The following PSAT1 variants were observed in gnomAD, a reference collection of about 807,000 sequenced individuals.
PSAT1 encodes phosphoserine aminotransferase.
A neutral mutation model predicts 40.3 loss-of-function variants in PSAT1; 41 were observed. The ratio of observed to expected loss-of-function variants is 1.02; its 90% CI spans 0.79 to 1.32. The LOEUF (loss-of-function observed/expected upper bound fraction) is 1.32, where lower values mean the gene tolerates loss of function less well. Ranked by LOEUF, PSAT1 falls within the 40% of genes most tolerant of loss-of-function variation. The probability of loss-of-function intolerance (pLI) is 0.00; values close to 1 mark genes in which losing one functional copy is unlikely to be tolerated. For missense variants in PSAT1, 406 were observed against 455.8 expected, an observed-to-expected ratio of 0.89 and a Z score of 0.99; for synonymous variants, 147 against 170.5, an observed-to-expected ratio of 0.86 and a Z score of 1.07.
intron 7 of PSAT1, 130 bp from the exon 8 acceptor site, chr9:78,327,921 T>C (rs1737002897): frequency 2.1e-6 from 2 of 960,688 alleles, no homozygotes; most frequent in Non-Finnish European, 3.2e-6. Context: ...GGGCAGATTT[T>C]TTGTTTTTTG....
chr9:78,322,665 A>G (rs767002171), intron 7 of PSAT1, among the ~76,000 whole-genome samples: 1 of 152,218 alleles, frequency 6.6e-6, no homozygotes, highest in South Asian at 2.1e-4. Flanking sequence ...TAATTTAGGC[A>G]AGAACCCACA....
intron 6 of PSAT1, among the ~76,000 whole-genome samples, chr9:78,312,008 CAT>C (rs1249460431): frequency 6.6e-6 from 1 of 151,236 alleles, no homozygotes; most frequent in Non-Finnish European, 1.5e-5. Context: ...CTTTGTATCA[CAT>C]AGTAGAGTTC....
At chr9:78,298,431 G>A in intron 1 of PSAT1, 1 of 985,320 alleles carries the variant, frequency 1.0e-6, no homozygotes, top group Non-Finnish European at 1.2e-6. Context: ...AAAGGGGAAA[G>A]GACTTCTTAC....
At chr9:78,298,318 G>A (rs1468007570) in intron 1 of PSAT1, 1 of 985,348 alleles carries the variant, frequency 1.0e-6, no homozygotes, top group Non-Finnish European at 1.2e-6. Flanking sequence ...AGCAGCATGA[G>A]GCATAGCCAA....
At chr9:78,308,355 C>T in intron 5 of PSAT1, 59 bp from the exon 6 acceptor site, 1 of 1,570,196 alleles carries the variant, frequency 6.4e-7, no homozygotes, top group Non-Finnish European at 8.8e-7. Flanking sequence ...GGGAAGTTTG[C>T]ATACATGTAT....
chr9:78,313,828 A>G (rs1828301897), intron 6 of PSAT1, among the ~76,000 whole-genome samples: 1 of 152,086 alleles, frequency 6.6e-6, no homozygotes, highest in Non-Finnish European at 1.5e-5. Context: ...AAAAAAATTT[A>G]TGGCGACAGG....
In PSAT1 at chr9:78,316,718, G is replaced by A. The variant is rs527959326; in HGVS notation, c.741-958G>A. On this transcript the variant is annotated intron_variant, in intron 6 of 8. Transcript: ENST00000376588. ...CCCGGTTCCAGATGGGAAAACCGAGGTGACTAATTCTGGGTAGTCTGTTAG... is the reference window on the plus strand; with the variant it reads ...CCCGGTTCCAGATGGGAAAACCGAGATGACTAATTCTGGGTAGTCTGTTAG... 5.9e-5 allele frequency among the ~76,000 whole-genome samples: 9 copies of A among 152,324 alleles called. No homozygotes were observed. In the South Asian group the frequency reaches 1.7e-3, roughly 28 times the overall value.
chr9:78,318,139 A>G (rs1828376544), intron 7 of PSAT1, among the ~76,000 whole-genome samples: 1 of 152,172 alleles, frequency 6.6e-6, no homozygotes, highest in Non-Finnish European at 1.5e-5. Flanking sequence ...AAAAAAACAA[A>G]TGTACTTTCT....
intron 6 of PSAT1, 38 bp downstream of exon 6, chr9:78,308,621 G>T (rs201532860): frequency 3.5e-5 from 56 of 1,609,470 alleles, no homozygotes; most frequent in East Asian, 1.3e-4. Flanking sequence ...CCAGGGAGGG[G>T]TCTCACTATT....
At chr9:78,328,259 T>G in intron 8 of PSAT1, 71 bp downstream of exon 8, 1 of 1,587,764 alleles carries the variant, frequency 6.3e-7, no homozygotes. Flanking sequence ...ATAAAACAAA[T>G]CTATAGGAGC....
chr9:78,313,736 G>A (rs986326476), intron 6 of PSAT1, among the ~76,000 whole-genome samples: 4 of 152,156 alleles, frequency 2.6e-5, no homozygotes, highest in East Asian at 3.9e-4. Context: ...CCGCAAACTC[G>A]TAGGCTCAAG....
intron 6 of PSAT1, among the ~76,000 whole-genome samples, chr9:78,312,294 T>C (rs182571707): frequency 4.4e-4 from 67 of 152,282 alleles, no homozygotes; most frequent in African/African-American, 1.5e-3. Context: ...TTACTTACCA[T>C]GACTAACTGA....
Position 78,317,689 on chromosome 9 carries a change from G to A in PSAT1, c.754G>A (p.Gly252Ser). The change falls in exon 7 of 9, where the codon GGC becomes AGC. Residue 252 changes from glycine (G) to serine (S), a missense_variant. Gly to Ser is a moderately conservative substitution (Grantham distance 56, BLOSUM62 0). Coordinates refer to ENST00000376588, the MANE Select transcript of PSAT1 (RefSeq NM_058179.4). Reference sequence around the variant, plus strand: ...TCTTCATTTTAGCATCTACGTCATGGGCTTGGTTCTGGAGTGGATTAAAAA... The same window carrying A: ...TCTTCATTTTAGCATCTACGTCATGAGCTTGGTTCTGGAGTGGATTAAAAA... ...TPPCFSIYVM[G>S]LVLEWIKNNG... The A allele has an allele frequency of 6.2e-7, 1 of 1,613,894 alleles. No homozygotes were observed. Among genetic ancestry groups the A allele is most frequent in the Non-Finnish European group, 8.5e-7 (1 of 1,179,862 alleles).
chr9:78,319,650 A>G lies in PSAT1; in HGVS notation c.869+1846A>G, dbSNP rs78700007. On this transcript the variant is annotated intron_variant, in intron 7 of 8. Transcript: ENST00000376588. ...ATAGCCAAGGGCTAAAGAATGTGGC[A>G]TGAGCCTGGAAAAGGGGGATACTCT... Among the ~76,000 whole-genome samples, 388 of 152,358 alleles carry G rather than the reference A, an allele frequency of 2.5e-3. 1 individual carries two copies. Among genetic ancestry groups the G allele is most frequent in the African/African-American group, 8.7e-3 (361 of 41,588 alleles).
chr9:78,325,542 C>G (rs1484129657), intron 7 of PSAT1, among the ~76,000 whole-genome samples: 3 of 152,244 alleles, frequency 2.0e-5, no homozygotes, highest in Admixed American at 6.5e-5. Context: ...GCCCTTTCTT[C>G]TCATCTGTTG....
intron 3 of PSAT1, among the ~76,000 whole-genome samples, chr9:78,302,720 C>T (rs978727532): frequency 8.3e-6 from 1 of 121,078 alleles, no homozygotes; most frequent in Non-Finnish European, 1.6e-5. Flanking sequence ...GGTGACAAAG[C>T]GAGACTCCGT....
At chr9:78,322,363 C>T (rs1314692615) in intron 7 of PSAT1, among the ~76,000 whole-genome samples, 1 of 152,124 alleles carries the variant, frequency 6.6e-6, no homozygotes, top group Non-Finnish European at 1.5e-5. Flanking sequence ...GTGAAGTAGA[C>T]ATTGAGCCTA....
chr9:78,308,590 C>G lies in PSAT1; in HGVS notation c.740+7C>G. 3 of 1,613,886 alleles carry G rather than the reference C, an allele frequency of 1.9e-6. No homozygotes were observed. Among genetic ancestry groups the G allele is most frequent in the Non-Finnish European group, 2.5e-6 (3 of 1,179,978 alleles). The stretch of plus-strand genomic sequence containing the variant: ...ACACGCCTCCATGTTTCAGGTAACT[C>G]TGGGAGTCAGTCTTGTGGACCCAGG... On this transcript the variant is annotated splice_region_variant and intron_variant, in intron 6 of 8. Coordinates refer to ENST00000376588, the MANE Select transcript of PSAT1 (RefSeq NM_058179.4).
intron 7 of PSAT1, among the ~76,000 whole-genome samples, chr9:78,320,017 C>A (rs896567490): frequency 6.6e-6 from 1 of 151,580 alleles, no homozygotes; most frequent in African/African-American, 2.4e-5. Flanking sequence ...TCTGTCTACC[C>A]ATTCATCTAT....
Sources: gnomAD v4.1 joint callset for allele counts (sites outside exome capture counted in the v4.1 genomes callset) on GRCh38, gnomAD v4.1.1 for gene constraint, MANE v1.5 for transcripts, NCBI Gene and HGNC (gene_info 2026-07-23, HGNC 2026-07-21) for gene names.